Variants in TTC27 observed in about 807,000 individuals in gnomAD.
TTC27 encodes tetratricopeptide repeat domain 27.
In TTC27, 79 loss-of-function variants were observed where a neutral mutation model predicts 115.9. That is an observed-to-expected ratio of 0.68 (90% confidence interval 0.57 to 0.82). The LOEUF (loss-of-function observed/expected upper bound fraction) is 0.82, where lower values mean the gene tolerates loss of function less well. Ranked by LOEUF, TTC27 falls within the 40% of genes least tolerant of loss-of-function variation. The pLI, the probability that TTC27 is intolerant of heterozygous loss-of-function variation, is 0.00. For synonymous variants in TTC27, 401 were observed against 356.0 expected (o/e 1.13, Z -1.42); for missense variants, 1,054 against 993.1 (o/e 1.06, Z -0.82).
chr2:32,663,719 CT>C (rs1339033469), intron 5 of TTC27, among the ~76,000 whole-genome samples: 1 of 152,104 alleles, frequency 6.6e-6, no homozygotes, highest in Non-Finnish European at 1.5e-5. Flanking sequence ...GGTTCTTGCT[CT>C]GTCGCTCAGG....
chr2:32,670,038 C>T (rs112308544), intron 7 of TTC27, among the ~76,000 whole-genome samples: 87 of 151,884 alleles, frequency 5.7e-4, no homozygotes, highest in African/African-American at 2.0e-3. Context: ...CCACCACGCC[C>T]GGATAGTTGT....
At chr2:32,701,113 G>T (rs1000899157) in intron 9 of TTC27, among the ~76,000 whole-genome samples, 1 of 152,100 alleles carries the variant, frequency 6.6e-6, no homozygotes, top group Non-Finnish European at 1.5e-5. Flanking sequence ...TATATTTTAT[G>T]GGGGCAGGGA....
chr2:32,702,995 G>A lies in TTC27; in HGVS notation c.1233+75G>A, dbSNP rs2151901309. On this transcript the variant is annotated intron_variant, in intron 10 of 19. Transcript: ENST00000317907. ...ATCAGTAAGCATACATGTTTGCTAT[G>A]AATGAAGGAATGAAATGGCTTACAT... 13 of 962,064 alleles carry A rather than the reference G, an allele frequency of 1.4e-5. No individual in the cohort carries two copies. In the South Asian group the frequency reaches 1.7e-4, roughly 13 times the overall value. The allele number at this position is 962,064 out of a possible 1,614,324, so 59.6% of individuals were successfully genotyped here.
chr2:32,772,619 G>C (rs1482903747), intron 13 of TTC27, among the ~76,000 whole-genome samples: 3 of 152,154 alleles, frequency 2.0e-5, no homozygotes, highest in African/African-American at 7.2e-5. Context: ...GTAGTCTAAT[G>C]TAAGTGTTCT....
At chr2:32,785,020 T>G (rs1004276998) in intron 15 of TTC27, among the ~76,000 whole-genome samples, 2 of 152,242 alleles carry the variant, frequency 1.3e-5, no homozygotes, top group African/African-American at 4.8e-5. Flanking sequence ...ATAGTTCTCT[T>G]AGAGTCAATA....
chr2:32,763,437 A>G (rs1669514504), intron 13 of TTC27, among the ~76,000 whole-genome samples: 1 of 152,234 alleles, frequency 6.6e-6, no homozygotes, highest in African/African-American at 2.4e-5. Context: ...ATTTAGGCAA[A>G]CCAAAGTGGT....
intron 7 of TTC27, among the ~76,000 whole-genome samples, chr2:32,668,343 T>A (rs1324233541): frequency 1.4e-5 from 2 of 146,086 alleles, no homozygotes; most frequent in African/African-American, 5.1e-5. Flanking sequence ...ATCATTGAAC[T>A]CCAGCCTGGG....
At chr2:32,697,535 AG>A (rs1420309365) in intron 9 of TTC27, among the ~76,000 whole-genome samples, 4 of 152,222 alleles carry the variant, frequency 2.6e-5, no homozygotes, top group African/African-American at 9.6e-5. Context: ...AATTGCATTT[AG>A]CTTAATGTTA....
intron 19 of TTC27, among the ~76,000 whole-genome samples, chr2:32,818,203 A>G (rs1229518239): frequency 1.3e-5 from 2 of 152,202 alleles, no homozygotes; most frequent in Non-Finnish European, 2.9e-5. Flanking sequence ...TCTGGTTTAA[A>G]TATATATTCA....
Position 32,690,917 on chromosome 2 carries a change from C to T in TTC27, c.1120-11890C>T, listed in dbSNP as rs571601653. On this transcript the variant is annotated intron_variant, in intron 9 of 19. Coordinates refer to ENST00000317907, the MANE Select transcript of TTC27 (RefSeq NM_017735.5). ...TCCTTGCTTTGGAAGATCAGTGTGACCTGGGTGGGCATCGTTCGATTTGGC... is the reference window on the plus strand; with the variant it reads ...TCCTTGCTTTGGAAGATCAGTGTGATCTGGGTGGGCATCGTTCGATTTGGC... Among the ~76,000 whole-genome samples the T allele has an allele frequency of 4.3e-4, 65 of 152,238 alleles. No individual in the cohort carries two copies. The South Asian group carries it at 0.013, about 31-fold the overall frequency.
intron 10 of TTC27, among the ~76,000 whole-genome samples, chr2:32,717,032 C>T (rs1455618534): frequency 1.4e-5 from 2 of 145,598 alleles, no homozygotes; most frequent in Non-Finnish European, 3.0e-5. Context: ...TTGAGACAGT[C>T]TTACTCTGTC....
chr2:32,741,657 A>C (rs75305520), intron 12 of TTC27, among the ~76,000 whole-genome samples: 1 of 118,674 alleles, frequency 8.4e-6, no homozygotes, highest in Non-Finnish European at 1.8e-5. Context: ...AATAAAAAAA[A>C]CAAAAAACAA....
At chr2:32,718,588 C>T (rs538865885) in intron 10 of TTC27, among the ~76,000 whole-genome samples, 109 of 152,124 alleles carry the variant, frequency 7.2e-4, no homozygotes, top group Non-Finnish European at 1.0e-3. Context: ...TCCTCTTGGC[C>T]TTTCTTTTTC....
intron 10 of TTC27, among the ~76,000 whole-genome samples, chr2:32,706,441 T>C (rs1667371079): frequency 6.6e-6 from 1 of 152,070 alleles, no homozygotes; most frequent in African/African-American, 2.4e-5. Context: ...TAAGTATTAA[T>C]CATATTATTT....
At chr2:32,663,819 G>A (rs1457705376) in intron 5 of TTC27, among the ~76,000 whole-genome samples, 1 of 152,028 alleles carries the variant, frequency 6.6e-6, no homozygotes, top group African/African-American at 2.4e-5. Flanking sequence ...TGAGTAGCTG[G>A]GACTACAGGC....
At chr2:32,749,293 T>G (rs1668931721) in intron 12 of TTC27, among the ~76,000 whole-genome samples, 1 of 152,190 alleles carries the variant, frequency 6.6e-6, no homozygotes, top group East Asian at 1.9e-4. Context: ...ATCACTAGAC[T>G]GGGCATATGA....
chr2:32,799,977 C>T (rs2148035001), intron 16 of TTC27, among the ~76,000 whole-genome samples: 1 of 152,322 alleles, frequency 6.6e-6, no homozygotes, highest in African/African-American at 2.4e-5. Flanking sequence ...AGTTAGGCAG[C>T]CCATTTCTGC....
At chr2:32,737,184 G>A (rs1668477323) in intron 12 of TTC27, among the ~76,000 whole-genome samples, 3 of 152,132 alleles carry the variant, frequency 2.0e-5, no homozygotes, top group Admixed American at 2.0e-4. Flanking sequence ...AGAGCAGCTG[G>A]GTTGGTCTTT....
rs543891104 is a variant in TTC27, at chr2:32,635,698, GA to G, written c.396+1698del. On this transcript the variant is annotated intron_variant, in intron 3 of 19. Coordinates refer to ENST00000317907, the MANE Select transcript of TTC27 (RefSeq NM_017735.5). ...GACTCCATTTCAAAAAAAGAAAAAA[GA>G]AAAAGAATTGGGTGTAGCAAGTAAA... Among the ~76,000 whole-genome samples, 677 of 151,988 alleles carry G rather than the reference GA, an allele frequency of 4.5e-3. 2 individuals carry two copies. Among genetic ancestry groups the G allele is most frequent in the Non-Finnish European group, 7.2e-3 (488 of 67,968 alleles).
Sources: allele counts gnomAD v4.1 joint callset (sites outside exome capture counted in the v4.1 genomes callset), GRCh38; gene constraint gnomAD v4.1.1; transcripts MANE v1.5; gene names NCBI Gene and HGNC (gene_info 2026-07-23, HGNC 2026-07-21).